Variants in ARHGAP42 observed in about 807,000 individuals in gnomAD.
The protein encoded by ARHGAP42 is rho GTPase-activating protein 42.
A neutral mutation model predicts 125.0 loss-of-function variants in ARHGAP42; 63 were observed. The ratio of observed to expected loss-of-function variants is 0.50; its 90% CI spans 0.41 to 0.62. The LOEUF (loss-of-function observed/expected upper bound fraction) is 0.62, where lower values mean the gene tolerates loss of function less well. Ranked by LOEUF, ARHGAP42 falls within the 20% of genes least tolerant of loss-of-function variation. The pLI is 0.00. For missense variants in ARHGAP42, 766 were observed against 1,024.2 expected (o/e 0.75, Z 3.44); for synonymous variants, 339 against 351.0 (o/e 0.97, Z 0.38).
chr11:100,883,661 TG>T (rs1183537651), intron 4 of ARHGAP42, among the ~76,000 whole-genome samples: 5 of 152,216 alleles, frequency 3.3e-5, no homozygotes, highest in Non-Finnish European at 7.3e-5. Flanking sequence ...GTAAAAATGT[TG>T]ATATTGTTAT....
intron 3 of ARHGAP42, among the ~76,000 whole-genome samples, chr11:100,824,665 AC>A (rs1165356631): frequency 6.6e-6 from 1 of 152,194 alleles, no homozygotes; most frequent in African/African-American, 2.4e-5. Context: ...CTCCTAATCA[AC>A]TATATATCAT....
intron 1 of ARHGAP42, among the ~76,000 whole-genome samples, chr11:100,731,128 C>G (rs978031730): frequency 2.6e-5 from 4 of 151,742 alleles, no homozygotes; most frequent in Non-Finnish European, 5.9e-5. Context: ...TGCTTTGGTG[C>G]CTCACAGTAT....
intron 1 of ARHGAP42, among the ~76,000 whole-genome samples, chr11:100,705,392 C>G (rs752573304): frequency 6.6e-6 from 1 of 152,212 alleles, no homozygotes; most frequent in Non-Finnish European, 1.5e-5. Flanking sequence ...CTTTTCAATT[C>G]TAGGTCTGCG....
intron 2 of ARHGAP42, among the ~76,000 whole-genome samples, chr11:100,779,824 G>A (rs1014620119): frequency 1.3e-4 from 19 of 151,444 alleles, no homozygotes; most frequent in African/African-American, 3.9e-4. Context: ...TCAGGAGTTC[G>A]AGACCTGCCT....
chr11:100,878,463 A>C (rs989360379), intron 4 of ARHGAP42, among the ~76,000 whole-genome samples: 1 of 152,142 alleles, frequency 6.6e-6, no homozygotes, highest in Non-Finnish European at 1.5e-5. Context: ...CTGTGGTCCA[A>C]TTACTAATGC....
intron 1 of ARHGAP42, among the ~76,000 whole-genome samples, chr11:100,713,639 T>A (rs954585409): frequency 7.9e-5 from 12 of 152,010 alleles, no homozygotes; most frequent in Admixed American, 7.2e-4. Flanking sequence ...GTAAAAAAAA[T>A]AATTTGGTTT....
chr11:100,752,841 C>G (rs1408757958), intron 1 of ARHGAP42, among the ~76,000 whole-genome samples: 1 of 152,202 alleles, frequency 6.6e-6, no homozygotes, highest in Non-Finnish European at 1.5e-5. Context: ...AGCTCATGCA[C>G]AAGTTTTCTC....
intron 4 of ARHGAP42, among the ~76,000 whole-genome samples, chr11:100,894,890 C>T (rs1866309668): frequency 6.6e-6 from 1 of 152,118 alleles, no homozygotes; most frequent in Admixed American, 6.5e-5. Context: ...GGTCGATGAC[C>T]TTATATGCAT....
In ARHGAP42 at chr11:100,992,889, C is replaced by T. The variant is rs552201981; in HGVS notation, c.*4088C>T. On this transcript the variant is annotated 3_prime_UTR_variant, in exon 24 of 24. Coordinates refer to ENST00000298815, the MANE Select transcript of ARHGAP42 (RefSeq NM_152432.4). ...TGTCTGTGGTTTAGGGGGCCCAGCC[C>T]ATCATTCCTTTTCCCCTTGGCACTC... 27 of 576,476 alleles carry T rather than the reference C, an allele frequency of 4.7e-5. No homozygotes were observed. Among genetic ancestry groups the T allele is most frequent in the Admixed American group, 7.4e-5 (2 of 26,920 alleles). The allele number at this position is 576,476 out of a possible 1,614,324, so 35.7% of individuals were successfully genotyped here.
intron 1 of ARHGAP42, among the ~76,000 whole-genome samples, chr11:100,770,116 G>T (rs1271321079): frequency 6.6e-6 from 1 of 152,152 alleles, no homozygotes; most frequent in African/African-American, 2.4e-5. Context: ...AATCTCCACT[G>T]TGTAGATCAG....
intron 5 of ARHGAP42, among the ~76,000 whole-genome samples, chr11:100,918,824 T>C (rs1159082082): frequency 6.6e-6 from 1 of 152,174 alleles, no homozygotes; most frequent in Non-Finnish European, 1.5e-5. Context: ...GCAAGAGTCA[T>C]TTCTCTTTCA....
At chr11:100,798,996 C>G (rs1446660644) in intron 3 of ARHGAP42, among the ~76,000 whole-genome samples, 1 of 152,114 alleles carries the variant, frequency 6.6e-6, no homozygotes, top group East Asian at 1.9e-4. Context: ...GGAGACAGTT[C>G]TGTATAAGTT....
At chr11:100,948,421 A>C (rs1868080550) in intron 10 of ARHGAP42, 36 bp from the exon 11 acceptor site, 31 of 1,405,402 alleles carry the variant, frequency 2.2e-5, no homozygotes, top group Non-Finnish European at 2.9e-5. Context: ...AAAAGTAGTA[A>C]ATGTGTAAAT....
At chr11:100,875,174 T>G (rs1348030669) in intron 4 of ARHGAP42, among the ~76,000 whole-genome samples, 1 of 151,338 alleles carries the variant, frequency 6.6e-6, no homozygotes, top group Admixed American at 6.6e-5. Context: ...TATGAATGGT[T>G]GTTACATTTT....
Position 100,943,805 on chromosome 11 carries a change from G to A in ARHGAP42, c.980G>A (p.Cys327Tyr). ...CCGGAAATGTTTAAATTAAAATCTT[G>A]TATCCGACGAAAGACAGATTCAATT... The part of the protein sequence containing the change: ...SSPEMFKLKS[C>Y]IRRKTDSIDK... Residue 327 changes from cysteine (C) to tyrosine (Y), a missense_variant, in exon 10 of 24, where the codon TGT becomes TAT. Coordinates refer to ENST00000298815, the MANE Select transcript of ARHGAP42 (RefSeq NM_152432.4). 6.5e-7 allele frequency: 1 copy of A among 1,549,642 alleles called. No individual in the cohort carries two copies. Among genetic ancestry groups the A allele is most frequent in the Non-Finnish European group, 8.7e-7 (1 of 1,145,786 alleles).
At chr11:100,960,645 C>A (rs1219662038) in intron 13 of ARHGAP42, among the ~76,000 whole-genome samples, 1 of 152,132 alleles carries the variant, frequency 6.6e-6, no homozygotes, top group Non-Finnish European at 1.5e-5. Context: ...CCCTTCCCAT[C>A]TCCATTGCTT....
chr11:100,916,884 G>A (rs1303506878), intron 5 of ARHGAP42, among the ~76,000 whole-genome samples: 1 of 152,110 alleles, frequency 6.6e-6, no homozygotes, highest in Non-Finnish European at 1.5e-5. Context: ...CAAAAATGGA[G>A]TGTGATATGT....
intron 1 of ARHGAP42, among the ~76,000 whole-genome samples, chr11:100,735,848 T>G (rs945337996): frequency 2.0e-5 from 3 of 152,052 alleles, no homozygotes; most frequent in Non-Finnish European, 2.9e-5. Flanking sequence ...ACTCCAGATC[T>G]CAGGCCATCC....
At chr11:100,793,702 G>T (rs185707720) in intron 2 of ARHGAP42, among the ~76,000 whole-genome samples, 139 of 152,228 alleles carry the variant, frequency 9.1e-4, no homozygotes, top group African/African-American at 3.1e-3. Context: ...CTTTATGCCA[G>T]AATTACTAAA....
Sources: allele counts gnomAD v4.1 joint callset (sites outside exome capture counted in the v4.1 genomes callset), GRCh38; gene constraint gnomAD v4.1.1; transcripts MANE v1.5; gene names NCBI Gene and HGNC (gene_info 2026-07-23, HGNC 2026-07-21).